Variants in SLC52A3 observed in about 807,000 individuals in gnomAD.
SLC52A3 encodes the protein solute carrier family 52 member 3, also known as solute carrier family 52, riboflavin transporter, member 3.
In SLC52A3, 20 loss-of-function variants were observed where a neutral mutation model predicts 29.5. That is an observed-to-expected ratio of 0.68 (90% CI 0.48 to 0.99). The LOEUF is 0.99. Among genes scored for constraint, SLC52A3 ranks in the 50% least tolerant of loss-of-function variants. The pLI, the probability that SLC52A3 is intolerant of heterozygous loss-of-function variation, is 0.00. For missense variants in SLC52A3, 548 were observed against 612.9 expected (o/e 0.89, Z 1.12); for synonymous variants, 301 against 271.0 (o/e 1.11, Z -1.09).
intron 4 of SLC52A3, 145 bp from the exon 5 acceptor site, chr20:761,383 G>C: frequency 1.0e-6 from 1 of 994,502 alleles, no homozygotes; most frequent in Non-Finnish European, 1.4e-6. Flanking sequence ...CTGCGGGGCC[G>C]ACGGGTCCCA....
chr20:765,994 A>G lies in SLC52A3; in HGVS notation c.-51-169T>C, dbSNP rs1986674788. The G allele has an allele frequency of 3.5e-6, 2 of 578,036 alleles. No individual in the cohort carries two copies. Among genetic ancestry groups the G allele is most frequent in the Non-Finnish European group, 6.2e-6 (2 of 325,030 alleles). The allele number at this position is 578,036 out of a possible 1,614,324, so 35.8% of individuals were successfully genotyped here. ...CTCTTTTAGTCCAGGCTGGAGTGCA[A>G]TGGGATGATCTCGGCTCAGTGACCC... On this transcript the variant is annotated intron_variant, in intron 1 of 4. Transcript: ENST00000645534. This position sits in a 1 kb window ranked among gnomAD's most constrained non-coding sequence, Gnocchi z 6.6.
upstream of SLC52A3, among the ~76,000 whole-genome samples, chr20:769,227 A>C (rs147756013): frequency 8.0e-4 from 122 of 152,376 alleles, no homozygotes; most frequent in Non-Finnish European, 1.3e-3. Context: ...TGTAATCAGC[A>C]GTGGAGGGGA....
At chr20:771,520 C>T (rs896871452), upstream of SLC52A3, among the ~76,000 whole-genome samples, 1 of 152,172 alleles carries the variant, frequency 6.6e-6, no homozygotes, top group Non-Finnish European at 1.5e-5. Flanking sequence ...ATTATAGTAA[C>T]CAAAAACTAA....
upstream of SLC52A3, among the ~76,000 whole-genome samples, chr20:776,802 T>G (rs1599969336): frequency 7.4e-6 from 1 of 135,864 alleles, no homozygotes. Context: ...TTGGTTGGGG[T>G]GGAGATGAAA....
upstream of SLC52A3, among the ~76,000 whole-genome samples, chr20:776,297 C>T (rs932360125): frequency 2.0e-5 from 3 of 152,198 alleles, no homozygotes; most frequent in African/African-American, 7.2e-5. Context: ...AAGAGAGTTC[C>T]CTGGAGCAAA....
At chr20:773,334 C>T (rs774071256), upstream of SLC52A3, among the ~76,000 whole-genome samples, 1 of 152,168 alleles carries the variant, frequency 6.6e-6, no homozygotes, top group Non-Finnish European at 1.5e-5. Flanking sequence ...TCTTGTTCCA[C>T]AATCCTGAGG....
chr20:777,407 C>A (rs1349591835), upstream of SLC52A3, among the ~76,000 whole-genome samples: 2 of 152,104 alleles, frequency 1.3e-5, no homozygotes, highest in African/African-American at 4.8e-5. Context: ...ATGTCTACAC[C>A]TTAGGAGGAC....
At chr20:772,365 A>G (rs1751413483), upstream of SLC52A3, among the ~76,000 whole-genome samples, 1 of 152,200 alleles carries the variant, frequency 6.6e-6, no homozygotes, top group African/African-American at 2.4e-5. Context: ...CATCTGCCCT[A>G]TGGCCCTGGC....
chr20:761,231 G>A lies in SLC52A3; in HGVS notation c.1205C>T (p.Ser402Leu). ...GAGGCAGCCGCTGAAAAGCACCCAC[G>A]AGGCCACCTGCGGGGCCGGGAGGGA... ...HWGGEVLIVA[S>L]WVLFSGCLSY... The change falls in exon 5 of 5, where the codon TCG becomes TTG. Residue 402 changes from serine (S) to leucine (L), a missense_variant. Physicochemically the swap from Ser to Leu is moderately radical, Grantham distance 145. Transcript: ENST00000645534. 1 of 1,549,650 alleles carries A rather than the reference G, an allele frequency of 6.5e-7. No homozygotes were observed. Among genetic ancestry groups the A allele is most frequent in the Non-Finnish European group, 8.7e-7 (1 of 1,147,056 alleles).
At position 765,079 on chromosome 20, in the gene SLC52A3, A is replaced by C; in HGVS notation, c.567+129T>G. ...AATTAAAATGAGTTTCCTGCTGTTG[A>C]TCTGCCTTATGTCAGTTTAACTCAT... On this transcript the variant is annotated intron_variant, in intron 2 of 4. Coordinates refer to ENST00000645534, the MANE Select transcript of SLC52A3 (RefSeq NM_033409.4). The surrounding 1 kb of genome is among the most constrained non-coding windows in gnomAD (Gnocchi z 6.6). 9.7e-7 allele frequency: 1 copy of C among 1,034,500 alleles called. No individual in the cohort carries two copies. Among genetic ancestry groups the C allele is most frequent in the South Asian group, 1.3e-5 (1 of 74,442 alleles). 64.1% of individuals were successfully genotyped at this position (1,034,500 alleles called of 1,614,324 possible).
chr20:765,202 G>A lies in SLC52A3; in HGVS notation c.567+6C>T, dbSNP rs1429255300. 13 of 1,614,004 alleles carry A rather than the reference G, an allele frequency of 8.1e-6. No individual in the cohort carries two copies. The South Asian group carries it at 1.3e-4, about 16-fold the overall frequency. ...TGCTGAGATGGCTCCGGGTGATGCT[G>A]GGTACCTGTGCGATGTCAGTCTCCC... is the stretch of plus-strand genomic sequence containing the variant. On this transcript the variant is annotated splice_donor_region_variant and intron_variant, in intron 2 of 4. Coordinates refer to ENST00000645534, the MANE Select transcript of SLC52A3 (RefSeq NM_033409.4). The surrounding 1 kb of genome is among the most constrained non-coding windows in gnomAD (Gnocchi z 6.6).
chr20:762,400 C>T (rs1986520906), intron 3 of SLC52A3, among the ~76,000 whole-genome samples: 1 of 152,206 alleles, frequency 6.6e-6, no homozygotes, highest in Non-Finnish European at 1.5e-5. Flanking sequence ...GTCCTGGCAG[C>T]TGGCTTGTTG....
At chr20:761,573 C>CG in intron 4 of SLC52A3, 128 bp downstream of exon 4, 1 of 1,429,456 alleles carries the variant, frequency 7.0e-7, no homozygotes, top group African/African-American at 1.4e-5. Flanking sequence ...GCGCTTCCCC[C>CG]ACCTGGGGCT....
At chr20:775,481 G>A (rs1237060820) in intron 1 of SLC52A3, among the ~76,000 whole-genome samples, 6 of 151,976 alleles carry the variant, frequency 3.9e-5, no homozygotes, top group African/African-American at 1.2e-4. Flanking sequence ...GTTTCGCCAC[G>A]TTGCCCAGGC....
chr20:761,543 C>CA lies in SLC52A3; in HGVS notation c.1197+157dup. Reference sequence around the variant, plus strand: ...CAGTCACCTCGATTCCCTAAGCCTCCACTCCCAAATGAGGAAGGGGCGCTT... The same window carrying CA: ...CAGTCACCTCGATTCCCTAAGCCTCCAACTCCCAAATGAGGAAGGGGCGCTT... On this transcript the variant is annotated intron_variant, in intron 4 of 4. Coordinates refer to ENST00000645534, the MANE Select transcript of SLC52A3 (RefSeq NM_033409.4). 4 of 1,106,050 alleles carry CA rather than the reference C, an allele frequency of 3.6e-6. No homozygotes were observed. In the Admixed American group the frequency reaches 8.9e-5, roughly 25 times the overall value. The allele number at this position is 1,106,050 out of a possible 1,614,324, so 68.5% of individuals were successfully genotyped here. A position where few individuals can be genotyped will look rare whatever the true frequency, so the allele number is the denominator to read the frequency against.
chr20:775,434 C>T (rs764538460), intron 1 of SLC52A3, among the ~76,000 whole-genome samples: 15 of 152,038 alleles, frequency 9.9e-5, no homozygotes, highest in Non-Finnish European at 1.5e-4. Flanking sequence ...CCACCACGTC[C>T]GACCTGGGTA....
Position 761,040 on chromosome 20 carries a change from G to A in SLC52A3, c.1396C>T (p.His466Tyr), listed in dbSNP as rs754208923. Residue 466 changes from histidine to tyrosine, a missense_variant, in exon 5 of 5, where the codon CAC becomes TAC. Transcript: ENST00000645534. ...CGGCGGCCTGCCTAGGCTGGACAGT[G>A]CAGATTGCAGAAGTCCGCGGACGAG... Reference protein sequence around the residue: ...LFSSADFCNLHCPA With the variant: ...LFSSADFCNLYCPA The A allele has an allele frequency of 1.2e-6, 2 of 1,607,304 alleles. No individual in the cohort carries two copies. The highest frequency in any genetic ancestry group is 1.1e-5 in the South Asian group (1 of 90,012).
In SLC52A3 at chr20:763,712, AC is replaced by A; in HGVS notation, c.858del (p.Tyr287IlefsTer2). 6.2e-7 allele frequency: 1 copy of A among 1,613,936 alleles called. No individual in the cohort carries two copies. The highest frequency in any genetic ancestry group is 8.5e-7 in the Non-Finnish European group (1 of 1,179,942). ...AGTVDSSQGQ[G>X]YLEEKAAPCC... is the part of the protein sequence containing the mutation. ...CAGGGGGCTGCTTTCTCCTCTAGAT[AC>A]CCCTGGCCCTGGCTGCTGTCCACCG... On this transcript the variant is annotated frameshift_variant, in exon 3 of 5. Transcript: ENST00000645534. LOFTEE classifies it high-confidence loss of function.
chr20:770,319 G>A (rs952657821), upstream of SLC52A3, among the ~76,000 whole-genome samples: 1 of 152,006 alleles, frequency 6.6e-6, no homozygotes, highest in Non-Finnish European at 1.5e-5. The surrounding 1 kb of genome is among the most constrained non-coding windows in gnomAD (Gnocchi z 4.5). Context: ...ACAATGTCCG[G>A]CTAATTTTTT....
Sources: gnomAD v4.1 joint callset for allele counts (sites outside exome capture counted in the v4.1 genomes callset) on GRCh38, gnomAD v4.1.1 for gene constraint, Gnocchi (gnomAD v3.1) non-coding constraint, MANE v1.5 for transcripts, NCBI Gene and HGNC (gene_info 2026-07-23, HGNC 2026-07-21) for gene names.